The following SGCZ variants were observed in gnomAD, a reference collection of about 807,000 sequenced individuals.
SGCZ encodes the protein sarcoglycan zeta, also known as zeta-sarcoglycan.
A neutral mutation model predicts 41.3 loss-of-function variants in SGCZ; 40 were observed. That is an observed-to-expected ratio of 0.97 (90% confidence interval 0.75 to 1.26). The LOEUF is 1.26. SGCZ is among the 50% of genes most tolerant of loss of function. The pLI is 0.00. For missense variants in SGCZ, 552 were observed against 369.8 expected (o/e 1.49, Z -4.04); for synonymous variants, 206 against 137.5 (o/e 1.50, Z -3.49).
At chr8:14,686,752 G>C (rs1362838725) in intron 1 of SGCZ, among the ~76,000 whole-genome samples, 3 of 152,002 alleles carry the variant, frequency 2.0e-5, no homozygotes, top group Admixed American at 6.6e-5. Flanking sequence ...TTAATGCATG[G>C]TTTTGAATAT....
intron 1 of SGCZ, among the ~76,000 whole-genome samples, chr8:14,950,458 CCTTTT>C (rs1462578136): frequency 6.6e-6 from 1 of 151,894 alleles, no homozygotes; most frequent in Non-Finnish European, 1.5e-5. Flanking sequence ...TCTTCTCTTT[CCTTTT>C]ATCAGAAGTG....
intron 1 of SGCZ, among the ~76,000 whole-genome samples, chr8:15,106,384 A>G (rs977946131): frequency 6.6e-6 from 1 of 152,090 alleles, no homozygotes; most frequent in Non-Finnish European, 1.5e-5. Flanking sequence ...TCTACATATG[A>G]ACAAATGAGC....
At chr8:14,096,249 T>C (rs1801842122) in intron 7 of SGCZ, among the ~76,000 whole-genome samples, 1 of 152,168 alleles carries the variant, frequency 6.6e-6, no homozygotes, top group African/African-American at 2.4e-5. Flanking sequence ...TTGCCATAAA[T>C]TGCTCATATT....
chr8:14,558,657 C>A (rs1401773993), intron 1 of SGCZ, among the ~76,000 whole-genome samples: 1 of 144,686 alleles, frequency 6.9e-6, no homozygotes, highest in African/African-American at 2.6e-5. Flanking sequence ...ACCCTAATAC[C>A]AAAACCAGGA....
Position 14,274,388 on chromosome 8 carries a change from C to T in SGCZ, c.337-36709G>A, listed in dbSNP as rs146909203. Among the ~76,000 whole-genome samples the T allele has an allele frequency of 3.2e-3, 485 of 152,216 alleles. 2 individuals carry two copies. Among genetic ancestry groups the T allele is most frequent in the African/African-American group, 0.011 (465 of 41,552 alleles). On this transcript the variant is annotated intron_variant, in intron 3 of 7. Transcript: ENST00000382080. ...GACAGTTGGTCCATAAATATTTCAC[C>T]TTACTAAGCTGTGTACAAGTCGTTG... is the stretch of plus-strand genomic sequence containing the variant.
chr8:14,512,545 C>G (rs1802495567), intron 2 of SGCZ, among the ~76,000 whole-genome samples: 1 of 146,154 alleles, frequency 6.8e-6, no homozygotes, highest in Non-Finnish European at 1.5e-5. Flanking sequence ...ACTGCAGCCT[C>G]AAATTCCTGG....
intron 4 of SGCZ, among the ~76,000 whole-genome samples, chr8:14,188,656 T>C (rs1329765568): frequency 6.6e-6 from 1 of 152,170 alleles, no homozygotes; most frequent in African/African-American, 2.4e-5. Context: ...TAAAAACCAC[T>C]GCATTGTACA....
chr8:14,325,238 G>A (rs956076738), intron 2 of SGCZ, among the ~76,000 whole-genome samples: 2 of 152,008 alleles, frequency 1.3e-5, no homozygotes, highest in African/African-American at 2.4e-5. Context: ...TAATTGCGTA[G>A]TAGTTTGAGG....
chr8:15,226,004 C>T (rs1801759969), intron 1 of SGCZ, among the ~76,000 whole-genome samples: 1 of 152,162 alleles, frequency 6.6e-6, no homozygotes, highest in Non-Finnish European at 1.5e-5. Context: ...CAGCTAAACG[C>T]AGCTATGATG....
At chr8:15,046,068 C>T (rs1804290828) in intron 1 of SGCZ, among the ~76,000 whole-genome samples, 1 of 152,048 alleles carries the variant, frequency 6.6e-6, no homozygotes, top group Admixed American at 6.6e-5. Context: ...CATTTACATA[C>T]ATTGAAGAAT....
At chr8:14,927,102 C>CTTT (rs71209091) in intron 1 of SGCZ, among the ~76,000 whole-genome samples, 740 of 82,574 alleles carry the variant, frequency 9.0e-3, no homozygotes, top group Middle Eastern at 0.014. Flanking sequence ...GTTCCTGATT[C>CTTT]TTTTTTTTTT....
chr8:14,966,081 G>T (rs1319021845), intron 1 of SGCZ, among the ~76,000 whole-genome samples: 1 of 151,790 alleles, frequency 6.6e-6, no homozygotes, highest in East Asian at 1.9e-4. Flanking sequence ...CTTAAAAACT[G>T]AACATGAAGA....
chr8:14,401,501 T>C (rs545411440), intron 2 of SGCZ, among the ~76,000 whole-genome samples: 76 of 141,624 alleles, frequency 5.4e-4, no homozygotes, highest in Admixed American at 1.9e-3. Context: ...CGTGATCTCA[T>C]TGTTCAGTTC....
intron 2 of SGCZ, among the ~76,000 whole-genome samples, chr8:14,397,586 T>C (rs1423506161): frequency 6.6e-6 from 1 of 152,140 alleles, no homozygotes; most frequent in African/African-American, 2.4e-5. Flanking sequence ...TAAAGCAGTA[T>C]TTTTTATTCT....
intron 1 of SGCZ, among the ~76,000 whole-genome samples, chr8:14,763,527 G>C (rs966908033): frequency 2.6e-5 from 4 of 152,008 alleles, no homozygotes; most frequent in Non-Finnish European, 5.9e-5. Context: ...ATCTGCATAG[G>C]AGACACTTTA....
At chr8:14,599,088 G>A (rs1805504634) in intron 1 of SGCZ, among the ~76,000 whole-genome samples, 1 of 152,058 alleles carries the variant, frequency 6.6e-6, no homozygotes, top group Non-Finnish European at 1.5e-5. Context: ...TCAACAGCAT[G>A]ATCATATGCA....
chr8:15,123,558 C>A (rs1053878651), intron 1 of SGCZ, among the ~76,000 whole-genome samples: 1 of 152,122 alleles, frequency 6.6e-6, no homozygotes, highest in Admixed American at 6.5e-5. Context: ...GAAGTTATTA[C>A]GATTTGATCA....
chr8:14,270,112 C>A (rs1430227916), intron 3 of SGCZ, among the ~76,000 whole-genome samples: 1 of 151,836 alleles, frequency 6.6e-6, no homozygotes, highest in African/African-American at 2.4e-5. Context: ...CAAGTGGAAC[C>A]CCTGAGGTCA....
chr8:15,036,363 T>G, intron 1 of SGCZ, among the ~76,000 whole-genome samples: 1 of 152,014 alleles, frequency 6.6e-6, no homozygotes, highest in East Asian at 1.9e-4. Context: ...ATTGAACACA[T>G]GGACACACAG....
Sources: allele counts gnomAD v4.1 joint callset (sites outside exome capture counted in the v4.1 genomes callset), GRCh38; gene constraint gnomAD v4.1.1; transcripts MANE v1.5; gene names NCBI Gene and HGNC (gene_info 2026-07-23, HGNC 2026-07-21).